PHTF2: variants seen among roughly 807,000 people sequenced by gnomAD.
The protein encoded by PHTF2 is putative homeodomain transcription factor 2.
A neutral mutation model predicts 101.2 loss-of-function variants in PHTF2; 60 were observed. The ratio of observed to expected loss-of-function variants is 0.59; its 90% CI spans 0.48 to 0.73. The LOEUF is 0.73. Among genes scored for constraint, PHTF2 ranks in the 30% least tolerant of loss-of-function variants. PHTF2 has a pLI of 0.00. For synonymous variants in PHTF2, 311 were observed against 307.3 expected, an observed-to-expected ratio of 1.01 and a Z score of -0.13; for missense variants, 747 against 908.7, an observed-to-expected ratio of 0.82 and a Z score of 2.29.
chr7:77,866,123 G>T (rs781013942), intron 3 of PHTF2, among the ~76,000 whole-genome samples: 1 of 145,518 alleles, frequency 6.9e-6, no homozygotes, highest in African/African-American at 2.6e-5. Flanking sequence ...GGCAGAGGTT[G>T]CAGTGAGTCA....
chr7:77,853,881 T>A (rs1796963084), intron 2 of PHTF2, among the ~76,000 whole-genome samples: 1 of 152,222 alleles, frequency 6.6e-6, no homozygotes, highest in Admixed American at 6.5e-5. Flanking sequence ...TCAAAATAGC[T>A]ATTTTGAATT....
At chr7:77,803,239 T>C (rs560681330) in intron 1 of PHTF2, among the ~76,000 whole-genome samples, 1 of 152,176 alleles carries the variant, frequency 6.6e-6, no homozygotes, top group East Asian at 1.9e-4. Flanking sequence ...TGACATTTAA[T>C]GAGAGGAAGT....
exon 12 of PHTF2, chr7:77,929,250 A>C: frequency 2.5e-6 from 4 of 1,610,962 alleles, no homozygotes; most frequent in Non-Finnish European, 3.4e-6. Flanking sequence ...TTCATCTTGT[A>C]CCAGTGAGAC....
chr7:77,868,330 T>A (rs1252968423), intron 3 of PHTF2, among the ~76,000 whole-genome samples: 1 of 140,218 alleles, frequency 7.1e-6, no homozygotes, highest in Non-Finnish European at 1.6e-5. Flanking sequence ...AAATTTTTTT[T>A]TTTTTTTTTT....
chr7:77,950,586 C>T lies in PHTF2; in HGVS notation c.2115+753C>T, dbSNP rs114226380. 1.5e-3 allele frequency among the ~76,000 whole-genome samples: 222 copies of T among 152,138 alleles called. 1 individual carries two copies. Among genetic ancestry groups the T allele is most frequent in the African/African-American group, 5.2e-3 (215 of 41,498 alleles). ...TGAGGCAGGAGAATCGTTTGAACCC[C>T]GGAGGTTGCAGTGAGCTGAGATTGT... On this transcript the variant is annotated intron_variant, in intron 17 of 19. Coordinates refer to ENST00000416283, the Ensembl canonical transcript of PHTF2.
chr7:77,910,466 C>A (rs1331367847), intron 9 of PHTF2, 57 bp downstream of exon 8: 3 of 1,223,248 alleles, frequency 2.5e-6, no homozygotes, highest in East Asian at 2.4e-5. Context: ...CTTTTTCTGG[C>A]ACTTCAGTCT....
intron 1 of PHTF2, among the ~76,000 whole-genome samples, chr7:77,807,106 C>T (rs909892658): frequency 3.9e-5 from 6 of 152,170 alleles, no homozygotes; most frequent in African/African-American, 1.4e-4. Flanking sequence ...AATATCCTGT[C>T]ATATGTATGT....
At chr7:77,799,673 A>T (rs544427632) in intron 1 of PHTF2, among the ~76,000 whole-genome samples, 2 of 152,192 alleles carry the variant, frequency 1.3e-5, no homozygotes, top group Non-Finnish European at 2.9e-5. Flanking sequence ...CCTTCGAGTC[A>T]TGGCTTTCTA....
intron 16 of PHTF2, among the ~76,000 whole-genome samples, chr7:77,949,181 A>T (rs1453460756): frequency 2.6e-5 from 4 of 152,154 alleles, no homozygotes; most frequent in Admixed American, 2.6e-4. Flanking sequence ...CATTCAGTGG[A>T]ATAAAAAGAA....
At chr7:77,920,189 G>A (rs1803313107) in intron 9 of PHTF2, 90 bp from the exon 9 acceptor site, 3 of 646,786 alleles carry the variant, frequency 4.6e-6, no homozygotes, top group Admixed American at 3.4e-5. Flanking sequence ...ATAGCTATCT[G>A]ATGTAATTAT....
At chr7:77,907,052 A>G (rs1001753626) in intron 7 of PHTF2, among the ~76,000 whole-genome samples, 6 of 151,910 alleles carry the variant, frequency 3.9e-5, no homozygotes, top group Non-Finnish European at 5.9e-5. Flanking sequence ...TATAGTGCCT[A>G]TGTACTGTAT....
At chr7:77,903,169 A>G (rs1263935684) in intron 7 of PHTF2, among the ~76,000 whole-genome samples, 2 of 152,130 alleles carry the variant, frequency 1.3e-5, no homozygotes, top group Admixed American at 6.5e-5. Flanking sequence ...TCCTACTTCA[A>G]TATTGGGCAG....
chr7:77,940,637 T>C, exon 15 of PHTF2: 1 of 1,606,320 alleles, frequency 6.2e-7, no homozygotes, highest in Non-Finnish European at 8.5e-7. Flanking sequence ...AAAATGTGGC[T>C]ATCTCTCCGT....
chr7:77,903,052 T>C (rs1801542381), intron 7 of PHTF2, among the ~76,000 whole-genome samples: 1 of 152,142 alleles, frequency 6.6e-6, no homozygotes. Flanking sequence ...TAATACTTTT[T>C]AAATAGTTGA....
chr7:77,884,311 A>G (rs1051470214), intron 3 of PHTF2, among the ~76,000 whole-genome samples: 3 of 152,094 alleles, frequency 2.0e-5, no homozygotes, highest in African/African-American at 4.8e-5. Context: ...GAAGTCTGAG[A>G]TTTCATTGTA....
intron 3 of PHTF2, among the ~76,000 whole-genome samples, chr7:77,889,433 A>T (rs1800162073): frequency 6.6e-6 from 1 of 152,188 alleles, no homozygotes; most frequent in African/African-American, 2.4e-5. Flanking sequence ...TGTTAAAGGC[A>T]TACACGTTAT....
At chr7:77,955,150 A>C (rs1231544372) in exon 20 of PHTF2, 1 of 229,444 alleles carries the variant, frequency 4.4e-6, no homozygotes, top group East Asian at 8.0e-5. Flanking sequence ...AGATCCTGGT[A>C]ATTGGTCATA....
intron 9 of PHTF2, among the ~76,000 whole-genome samples, chr7:77,912,429 C>T (rs115012920): frequency 0.02 from 2,980 of 152,214 alleles, 83 homozygotes; most frequent in African/African-American, 0.067. Context: ...TTTGTTAAGA[C>T]AGGAAGTGCT....
At chr7:77,901,160 G>A (rs1304142408) in intron 6 of PHTF2, among the ~76,000 whole-genome samples, 2 of 152,174 alleles carry the variant, frequency 1.3e-5, no homozygotes, top group African/African-American at 4.8e-5. Flanking sequence ...TCACCCTTAT[G>A]GCCCGTATAC....
Sources: gnomAD v4.1 joint callset for allele counts (sites outside exome capture counted in the v4.1 genomes callset) on GRCh38, gnomAD v4.1.1 for gene constraint, MANE v1.5 for transcripts, NCBI Gene and HGNC (gene_info 2026-07-23, HGNC 2026-07-21) for gene names.